CATSPERT: variants seen among roughly 807,000 people sequenced by gnomAD.
CATSPERT encodes catsper channel auxiliary subunit tau.
At chr2:201,604,220 G>A in the CATSPERT span, among the ~76,000 whole-genome samples, 1,193 of 151,794 alleles carry the variant, frequency 7.9e-3, 17 homozygotes, top group African/African-American at 0.028. Context: ...TTTTGGATCG[G>A]GGAGGGGCGC....
the CATSPERT span, among the ~76,000 whole-genome samples, chr2:201,610,090 C>T: frequency 7.9e-5 from 12 of 152,122 alleles, no homozygotes; most frequent in Admixed American, 7.9e-4. Context: ...ATACAAGTGA[C>T]CAATATTGAC....
At chr2:201,507,837 G>C in the CATSPERT span, among the ~76,000 whole-genome samples, 3 of 152,120 alleles carry the variant, frequency 2.0e-5, no homozygotes. Flanking sequence ...TGAAGGGGAA[G>C]CAAGGCCTTC....
At chr2:201,530,716 C>A in the CATSPERT span, among the ~76,000 whole-genome samples, 1 of 152,154 alleles carries the variant, frequency 6.6e-6, no homozygotes, top group Non-Finnish European at 1.5e-5. Flanking sequence ...ACCCTACAGG[C>A]TTTTAAACTC....
the CATSPERT span, among the ~76,000 whole-genome samples, chr2:201,532,755 G>C: frequency 6.6e-6 from 1 of 152,182 alleles, no homozygotes; most frequent in Non-Finnish European, 1.5e-5. Context: ...TCAGTTTCAA[G>C]AAAAGGGTGG....
At chr2:201,608,384 A>T in the CATSPERT span, among the ~76,000 whole-genome samples, 34 of 152,132 alleles carry the variant, frequency 2.2e-4, no homozygotes, top group East Asian at 1.7e-3. Flanking sequence ...ACTTTTTTTT[A>T]AAATTTTGGT....
At chr2:201,574,497 A>C in the CATSPERT span, among the ~76,000 whole-genome samples, 1 of 152,236 alleles carries the variant, frequency 6.6e-6, no homozygotes, top group African/African-American at 2.4e-5. Flanking sequence ...AGTATTATAC[A>C]ATTAAAATAT....
the CATSPERT span, among the ~76,000 whole-genome samples, chr2:201,531,837 G>A: frequency 6.6e-6 from 1 of 152,292 alleles, no homozygotes; most frequent in Non-Finnish European, 1.5e-5. Flanking sequence ...GATTAAATAG[G>A]GGCATTGTAG....
At chr2:201,540,916 G>A in the CATSPERT span, among the ~76,000 whole-genome samples, 10 of 152,182 alleles carry the variant, frequency 6.6e-5, no homozygotes, top group African/African-American at 2.4e-4. Context: ...AAGGACATTT[G>A]TGCTTCAGGA....
chr2:201,513,011 G>C, the CATSPERT span, among the ~76,000 whole-genome samples: 1 of 151,314 alleles, frequency 6.6e-6, no homozygotes, highest in Non-Finnish European at 1.5e-5. Context: ...CAGCACACCA[G>C]CATGGCACAT....
At chr2:201,563,426 T>G in the CATSPERT span, among the ~76,000 whole-genome samples, 1 of 33,106 alleles carries the variant, frequency 3.0e-5, no homozygotes. Context: ...GCTGACCCCC[T>G]CACCTCCCTC....
the CATSPERT span, among the ~76,000 whole-genome samples, chr2:201,545,289 G>A: frequency 9.2e-5 from 14 of 151,572 alleles, no homozygotes; most frequent in Non-Finnish European, 1.8e-4. Flanking sequence ...CACCCGCCTC[G>A]GCCTCCCAAA....
At chr2:201,592,050 C>A in the CATSPERT span, among the ~76,000 whole-genome samples, 3 of 152,084 alleles carry the variant, frequency 2.0e-5, no homozygotes, top group Non-Finnish European at 2.9e-5. Flanking sequence ...GAGAGGGCAA[C>A]CCTGTCTTGT....
chr2:201,544,705 C>A, the CATSPERT span, among the ~76,000 whole-genome samples: 53 of 151,874 alleles, frequency 3.5e-4, no homozygotes, highest in African/African-American at 1.2e-3. Context: ...GGAGCATTGG[C>A]CAAGCGTGGT....
chr2:201,513,692 A>C, the CATSPERT span, among the ~76,000 whole-genome samples: 1 of 152,232 alleles, frequency 6.6e-6, no homozygotes, highest in Non-Finnish European at 1.5e-5. Flanking sequence ...GTGCCCATCA[A>C]CAATGGACTG....
chr2:201,562,187 C>CTTTTTTTTTTTTT, the CATSPERT span, among the ~76,000 whole-genome samples: 1 of 121,274 alleles, frequency 8.2e-6, no homozygotes, highest in Non-Finnish European at 1.7e-5. Context: ...TCTAATAATT[C>CTTTTTTTTTTTTT]TTTTTTTTTT....
At chr2:201,507,502 T>C in the CATSPERT span, among the ~76,000 whole-genome samples, 1 of 152,152 alleles carries the variant, frequency 6.6e-6, no homozygotes, top group Non-Finnish European at 1.5e-5. Flanking sequence ...TTTATAAGAA[T>C]TACCAAGAAA....
chr2:201,536,254 A>T, the CATSPERT span: 1 of 1,613,266 alleles, frequency 6.2e-7, no homozygotes. Flanking sequence ...TCAGCAGTTG[A>T]ATTATCTTGG....
At chr2:201,604,498 A>G in the CATSPERT span, 2 of 552,492 alleles carry the variant, frequency 3.6e-6, no homozygotes. Flanking sequence ...TCTGACTCAT[A>G]AAAATGAAAA....
the CATSPERT span, chr2:201,535,322 T>G: frequency 1.0e-6 from 1 of 983,876 alleles, no homozygotes; most frequent in South Asian, 4.7e-5. Context: ...CTATATATCT[T>G]TTTATACCAT....
Sources: allele counts gnomAD v4.1 joint callset (sites outside exome capture counted in the v4.1 genomes callset), GRCh38; gene constraint gnomAD v4.1.1; transcripts MANE v1.5; gene names NCBI Gene and HGNC (gene_info 2026-07-23, HGNC 2026-07-21).